Variants in CPNE2 observed in about 807,000 individuals in gnomAD.
The protein encoded by CPNE2 is copine 2.
In CPNE2, 42 loss-of-function variants were observed where a neutral mutation model predicts 69.7. The observed-to-expected ratio is 0.60, with a 90% CI of 0.47 to 0.78. CPNE2 has a LOEUF of 0.78. CPNE2 is among the 30% of genes least tolerant of loss of function. The probability of loss-of-function intolerance (pLI) is 0.00; values close to 1 mark genes in which losing one functional copy is unlikely to be tolerated. For missense variants in CPNE2, 587 were observed against 732.0 expected (o/e 0.80, Z 2.29); for synonymous variants, 294 against 289.8 (o/e 1.01, Z -0.15).
In CPNE2 at chr16:57,130,967, C is replaced by T. The variant is rs917302185; in HGVS notation, c.1116+3064C>T. ...GAGGCGGGGGCTCCTCATAGAACCA[C>T]GGGCACCAGGGGAGGGGTGGTTTGG... On this transcript the variant is annotated intron_variant, in intron 12 of 15. Transcript: ENST00000290776. This position sits in a 1 kb window ranked among gnomAD's most constrained non-coding sequence, Gnocchi z 4.1. Among the ~76,000 whole-genome samples the T allele has an allele frequency of 5.9e-5, 9 of 152,060 alleles. No individual in the cohort carries two copies. Among genetic ancestry groups the T allele is most frequent in the East Asian group, 5.8e-4 (3 of 5,158 alleles).
At chr16:57,117,638 A>AT in intron 5 of CPNE2, 71 bp downstream of exon 5, 1 of 1,548,628 alleles carries the variant, frequency 6.5e-7, no homozygotes, top group Non-Finnish European at 8.8e-7. Context: ...GTGTGGCCTC[A>AT]TTCCGGGACC....
chr16:57,135,894 A>G (rs1457278956), intron 13 of CPNE2, among the ~76,000 whole-genome samples: 3 of 145,564 alleles, frequency 2.1e-5, no homozygotes, highest in African/African-American at 7.6e-5. Context: ...AAAAAAAAGG[A>G]AGGAGAAAAG....
At chr16:57,124,941 C>T (rs1444856806) in intron 10 of CPNE2, 1 of 261,666 alleles carries the variant, frequency 3.8e-6, no homozygotes, top group Non-Finnish European at 7.8e-6. Flanking sequence ...GTGCCGGGCT[C>T]TAGGCTGTGT....
At position 57,126,094 on chromosome 16, in the gene CPNE2, G is replaced by A. The variant is rs2069799115; in HGVS notation, c.1061+101G>A. The A allele has an allele frequency of 5.5e-6, 8 of 1,442,384 alleles. No individual in the cohort carries two copies. In the South Asian group the frequency reaches 1.0e-4, roughly 18 times the overall value. The allele number at this position is 1,442,384 out of a possible 1,614,324, so 89.3% of individuals were successfully genotyped here. A position where few individuals can be genotyped will look rare whatever the true frequency, so the allele number is the denominator to read the frequency against. On this transcript the variant is annotated intron_variant, in intron 11 of 15. Coordinates refer to ENST00000290776, the MANE Select transcript of CPNE2 (RefSeq NM_152727.6). ...AGGGACCCAGAGATCATCAAATCTA[G>A]GAATGGACAGCAAATGGCATAGGTG...
At chr16:57,117,445 TGGCA>T in intron 4 of CPNE2, 47 bp from the exon 5 acceptor site, 1 of 1,584,596 alleles carries the variant, frequency 6.3e-7, no homozygotes, top group Non-Finnish European at 8.6e-7. Context: ...CCATCCTGCC[TGGCA>T]GGAGGCTGGG....
chr16:57,102,149 C>T (rs2069618598), intron 1 of CPNE2, among the ~76,000 whole-genome samples: 1 of 152,028 alleles, frequency 6.6e-6, no homozygotes, highest in Non-Finnish European at 1.5e-5. Context: ...GACAGGGTTT[C>T]ACTATGTTGC....
rs144317700 is a variant in CPNE2 at position 57,147,643 on chromosome 16, C to T, written c.1632C>T (p.Asn544=). 1.6e-5 allele frequency: 26 copies of T among 1,602,484 alleles called. No individual in the cohort carries two copies. Among genetic ancestry groups the T allele is most frequent in the Admixed American group, 1.3e-4 (8 of 59,548 alleles). ...AGCATAAAAACCTGCCCCCCACCAACTCGGAGCCCGCCTGAGCTCCAGTGC... is the reference window on the plus strand; with the variant it reads ...AGCATAAAAACCTGCCCCCCACCAATTCGGAGCCCGCCTGAGCTCCAGTGC... ...YFKHKNLPPT[N]SEPA Residue 544 remains asparagine (N), a synonymous_variant, in exon 16 of 16, where the codon AAC becomes AAT. Transcript: ENST00000290776.
At chr16:57,127,646 G>T (rs565257946) in intron 11 of CPNE2, among the ~76,000 whole-genome samples, 2 of 152,334 alleles carry the variant, frequency 1.3e-5, no homozygotes, top group East Asian at 3.9e-4. Context: ...AGGTATAGAT[G>T]TGGTCAGGCC....
At chr16:57,101,082 C>T (rs1469168610) in intron 1 of CPNE2, among the ~76,000 whole-genome samples, 1 of 152,210 alleles carries the variant, frequency 6.6e-6, no homozygotes, top group Non-Finnish European at 1.5e-5. Flanking sequence ...TTCAATTGAT[C>T]AGAGGCCTTC....
chr16:57,118,547 C>T (rs1004536291), intron 5 of CPNE2, among the ~76,000 whole-genome samples: 7 of 151,850 alleles, frequency 4.6e-5, no homozygotes, highest in South Asian at 2.1e-4. Flanking sequence ...CCAGGTGCAG[C>T]GGCTCACACC....
chr16:57,139,799 G>C (rs1429398885), intron 14 of CPNE2, among the ~76,000 whole-genome samples: 2 of 152,082 alleles, frequency 1.3e-5, no homozygotes, highest in African/African-American at 4.8e-5. Flanking sequence ...AGTGGCGGGT[G>C]CCAGGGTTTG....
At chr16:57,135,807 G>A (rs2069875050) in intron 13 of CPNE2, among the ~76,000 whole-genome samples, 1 of 144,678 alleles carries the variant, frequency 6.9e-6, no homozygotes. Flanking sequence ...CCAGGTGGCA[G>A]AGGTTGCAGT....
intron 10 of CPNE2, chr16:57,124,335 G>C (rs529358366): frequency 6.6e-6 from 3 of 451,714 alleles, no homozygotes; most frequent in South Asian, 4.7e-5. Flanking sequence ...GCCCACCTTG[G>C]CCTCTCAAAG....
At position 57,110,874 on chromosome 16, in the gene CPNE2, C is replaced by A. The variant is rs2069677251; in HGVS notation, c.132C>A (p.Ser44=). Residue 44 remains serine (S), a synonymous_variant, in exon 2 of 16, where the codon TCC becomes TCA. Transcript: ENST00000290776. The part of the protein sequence containing the change: ...NLLDRDVTSK[S]DPFCVLFTEN... ...TGGACCGGGATGTTACCTCCAAGTC[C>A]GACCCCTTCTGTGTCCTCTTTACAG... 1 of 1,613,704 alleles carries A rather than the reference C, an allele frequency of 6.2e-7. No homozygotes were observed. The highest frequency in any genetic ancestry group is 1.3e-5 in the African/African-American group (1 of 75,002).
chr16:57,110,875 G>A lies in CPNE2; in HGVS notation c.133G>A (p.Asp45Asn), dbSNP rs758561231. The change falls in exon 2 of 16, where the codon GAC becomes AAC. Residue 45 changes from aspartate (D) to asparagine (N), a missense_variant. Coordinates refer to ENST00000290776, the MANE Select transcript of CPNE2 (RefSeq NM_152727.6). ...LLDRDVTSKSDPFCVLFTENN... is the reference protein window; with the variant it reads ...LLDRDVTSKSNPFCVLFTENN... The stretch of plus-strand genomic sequence containing the variant: ...GGACCGGGATGTTACCTCCAAGTCC[G>A]ACCCCTTCTGTGTCCTCTTTACAGA... 12 of 1,613,664 alleles carry A rather than the reference G, an allele frequency of 7.4e-6. No homozygotes were observed. Among genetic ancestry groups the A allele is most frequent in the South Asian group, 2.2e-5 (2 of 91,032 alleles).
intron 7 of CPNE2, 21 bp from the exon 8 acceptor site, chr16:57,121,072 A>G: frequency 1.9e-6 from 3 of 1,593,436 alleles, no homozygotes; most frequent in Non-Finnish European, 2.6e-6. Context: ...CTCTGGGGTG[A>G]CCGTGCTGAA....
At chr16:57,122,293 G>C (rs1476902558) in intron 9 of CPNE2, among the ~76,000 whole-genome samples, 6 of 152,210 alleles carry the variant, frequency 3.9e-5, no homozygotes, top group Non-Finnish European at 8.8e-5. Context: ...GCAGCCTGGG[G>C]CAGGAGAGCA....
chr16:57,094,375 TGTGGTGTCTCTG>T (rs1370606820), intron 1 of CPNE2, among the ~76,000 whole-genome samples: 1 of 152,020 alleles, frequency 6.6e-6, no homozygotes, highest in African/African-American at 2.4e-5. Flanking sequence ...GAGTGGCAAG[TGTGGTGTCTCTG>T]GTGGTGTTCC....
At chr16:57,109,550 G>A (rs1289099460) in intron 1 of CPNE2, among the ~76,000 whole-genome samples, 1 of 152,008 alleles carries the variant, frequency 6.6e-6, no homozygotes, top group Non-Finnish European at 1.5e-5. Context: ...AAGGGCTGCT[G>A]GTTGCCCATG....
Sources: allele counts gnomAD v4.1 joint callset (sites outside exome capture counted in the v4.1 genomes callset), GRCh38; gene constraint gnomAD v4.1.1; non-coding constraint Gnocchi (gnomAD v3.1); transcripts MANE v1.5; gene names NCBI Gene and HGNC (gene_info 2026-07-23, HGNC 2026-07-21).